Variants in ASIC2 observed in about 807,000 individuals in gnomAD.
ASIC2 encodes acid-sensing ion channel 2.
A neutral mutation model predicts 57.3 loss-of-function variants in ASIC2; 25 were observed. The ratio of observed to expected loss-of-function variants is 0.44; its 90% CI spans 0.32 to 0.61. The LOEUF (loss-of-function observed/expected upper bound fraction) is 0.61, where lower values mean the gene tolerates loss of function less well. ASIC2 is among the 20% of genes least tolerant of loss of function. ASIC2 has a pLI of 0.06. For missense variants in ASIC2, 641 were observed against 738.1 expected (o/e 0.87, Z 1.52); for synonymous variants, 319 against 307.5 (o/e 1.04, Z -0.39).
At chr17:34,095,642 T>TATATATATAATTTTATATATATATATATA (rs1555595837) in intron 1 of ASIC2, among the ~76,000 whole-genome samples, 3 of 136,092 alleles carry the variant, frequency 2.2e-5, no homozygotes, top group Admixed American at 7.5e-5. Flanking sequence ...TTTATATATA[T>TATATATATAATTTTATATATATATATATA]ATATATATAT....
chr17:33,657,383 C>T (rs1184822601), intron 1 of ASIC2, among the ~76,000 whole-genome samples: 1 of 152,134 alleles, frequency 6.6e-6, no homozygotes. Flanking sequence ...TTGTTCTGAA[C>T]AGGGGCCATG....
chr17:33,225,825 T>C (rs1448368382), intron 1 of ASIC2, among the ~76,000 whole-genome samples: 7 of 152,192 alleles, frequency 4.6e-5, no homozygotes, highest in Admixed American at 2.6e-4. Context: ...GGAATTTGTG[T>C]TCCCTGGCAC....
intron 1 of ASIC2, among the ~76,000 whole-genome samples, chr17:33,736,345 G>A (rs1909910586): frequency 6.6e-6 from 1 of 151,936 alleles, no homozygotes; most frequent in Admixed American, 6.6e-5. Context: ...CCTACTCTAT[G>A]AATTTATGAA....
chr17:33,396,731 A>G (rs1239339119), intron 1 of ASIC2, among the ~76,000 whole-genome samples: 1 of 152,208 alleles, frequency 6.6e-6, no homozygotes, highest in Non-Finnish European at 1.5e-5. Flanking sequence ...TAGTTAGATC[A>G]CCTGTCTAAC....
Position 33,291,450 on chromosome 17 carries a change from G to C in ASIC2, c.666C>G (p.Cys222Trp). The change falls in exon 1 of 10, where the codon TGC (cysteine) becomes TGG (tryptophan). Residue 222 changes from cysteine to tryptophan, a missense_variant. Around this residue, in one of 3 missense-constraint regions of ASIC2, gnomAD observed 382 missense variants for 398.0 expected, o/e 0.96. Transcript: ENST00000225823. ...GHQLEDMLLS[C>W]KYRGELCGPH... ...GCCCGCAGAGCTCGCCGCGGTACTT[G>C]CAGGAGAGCAGCATGTCCTCCAGCT... The C allele has an allele frequency of 6.2e-7, 1 of 1,610,912 alleles. No individual in the cohort carries two copies. The highest frequency in any genetic ancestry group is 1.3e-5 in the African/African-American group (1 of 75,006).
intron 1 of ASIC2, among the ~76,000 whole-genome samples, chr17:33,879,711 A>G (rs938812122): frequency 6.6e-6 from 1 of 152,216 alleles, no homozygotes; most frequent in African/African-American, 2.4e-5. Context: ...CAGAAAGTTA[A>G]CAAGGATATC....
At chr17:33,823,859 G>C (rs746771516) in intron 1 of ASIC2, among the ~76,000 whole-genome samples, 8 of 152,172 alleles carry the variant, frequency 5.3e-5, no homozygotes, top group African/African-American at 9.7e-5. Context: ...GGTTCTTTCT[G>C]TTGGTTTATT....
chr17:33,651,296 A>T (rs1313730515), intron 1 of ASIC2, among the ~76,000 whole-genome samples: 2 of 152,218 alleles, frequency 1.3e-5, no homozygotes, highest in African/African-American at 4.8e-5. Context: ...TGGGTGAGTG[A>T]TAAGTACGTA....
At chr17:34,082,922 T>C (rs776946016) in intron 1 of ASIC2, among the ~76,000 whole-genome samples, 5 of 152,244 alleles carry the variant, frequency 3.3e-5, no homozygotes, top group African/African-American at 4.8e-5. Context: ...AAGAAGTTTT[T>C]GAATGCAGGA....
chr17:33,399,313 C>T (rs189520629), intron 1 of ASIC2, among the ~76,000 whole-genome samples: 10 of 152,294 alleles, frequency 6.6e-5, no homozygotes, highest in Admixed American at 1.3e-4. Context: ...AACCTGTTTG[C>T]TTAGCCCTTA....
chr17:33,598,994 G>T (rs1002816838), intron 1 of ASIC2, among the ~76,000 whole-genome samples: 2 of 152,128 alleles, frequency 1.3e-5, no homozygotes, highest in East Asian at 1.9e-4. Flanking sequence ...TGCACCTTAC[G>T]CAATCAACAA....
At chr17:33,599,230 G>A (rs780573815) in intron 1 of ASIC2, among the ~76,000 whole-genome samples, 2 of 152,206 alleles carry the variant, frequency 1.3e-5, no homozygotes, top group Non-Finnish European at 1.5e-5. Flanking sequence ...ACTAGAGGAA[G>A]CTGTGCTTGC....
intron 1 of ASIC2, among the ~76,000 whole-genome samples, chr17:33,241,523 CATAGATACAAA>C (rs1260975449): frequency 6.6e-6 from 1 of 152,226 alleles, no homozygotes; most frequent in Non-Finnish European, 1.5e-5. Context: ...ATCATTTCCT[CATAGATACAAA>C]CCATGCCTCA....
At position 33,179,574 on chromosome 17, in the gene ASIC2, C is replaced by T. The variant is rs182676490; in HGVS notation, c.709-67507G>A. The stretch of plus-strand genomic sequence containing the variant: ...ACTCTTTCTAGTATAAAGGAACAGA[C>T]TTTTATTGCATCTCTACCATGTGCT... On this transcript the variant is annotated intron_variant, in intron 1 of 9. Coordinates refer to ENST00000225823, the MANE Select transcript of ASIC2 (RefSeq NM_183377.2). Among the ~76,000 whole-genome samples the T allele has an allele frequency of 5.0e-3, 766 of 152,284 alleles. 1 individual carries two copies. Among genetic ancestry groups the T allele is most frequent in the Non-Finnish European group, 8.1e-3 (554 of 68,028 alleles).
intron 3 of ASIC2, among the ~76,000 whole-genome samples, chr17:33,079,783 G>A (rs1313225330): frequency 6.6e-6 from 1 of 152,146 alleles, no homozygotes; most frequent in Non-Finnish European, 1.5e-5. Flanking sequence ...TTACATGTAT[G>A]AACCCACTTA....
At chr17:33,579,300 A>AAAAAT (rs1916787108) in intron 1 of ASIC2, among the ~76,000 whole-genome samples, 1 of 150,980 alleles carries the variant, frequency 6.6e-6, no homozygotes, top group Admixed American at 6.6e-5. Context: ...AAAAAAAAAA[A>AAAAAT]AAAATGCAGG....
At chr17:33,768,166 G>A (rs1029062917) in intron 1 of ASIC2, among the ~76,000 whole-genome samples, 8 of 151,378 alleles carry the variant, frequency 5.3e-5, no homozygotes, top group African/African-American at 1.5e-4. Context: ...CTGCCACCGC[G>A]CCCTGCTAAT....
Position 33,246,886 on chromosome 17 carries a change from C to A in ASIC2, c.708+44522G>T, listed in dbSNP as rs192261288. On this transcript the variant is annotated intron_variant, in intron 1 of 9. Transcript: ENST00000225823. ...TTTCTGATTCTCATTGAGGGTTCCCCAGCACAGCCAGTTTGTCCATCAGCC... is the reference window on the plus strand; with the variant it reads ...TTTCTGATTCTCATTGAGGGTTCCCAAGCACAGCCAGTTTGTCCATCAGCC... Among the ~76,000 whole-genome samples the A allele has an allele frequency of 3.9e-3, 594 of 152,216 alleles. 1 individual carries two copies. Among genetic ancestry groups the A allele is most frequent in the Non-Finnish European group, 5.7e-3 (387 of 68,006 alleles).
At chr17:34,140,256 C>T (rs934543175) in intron 1 of ASIC2, among the ~76,000 whole-genome samples, 1 of 152,086 alleles carries the variant, frequency 6.6e-6, no homozygotes, top group Non-Finnish European at 1.5e-5. Flanking sequence ...GAGGGTAACA[C>T]GACACAGGTT....
Sources: gnomAD v4.1 joint callset for allele counts (sites outside exome capture counted in the v4.1 genomes callset) on GRCh38, gnomAD v4.1.1 for gene constraint, gnomAD v4.1.1 regional missense constraint, MANE v1.5 for transcripts, NCBI Gene and HGNC (gene_info 2026-07-23, HGNC 2026-07-21) for gene names.